WDR91: variants seen among roughly 807,000 people sequenced by gnomAD.
WDR91 encodes the protein WD repeat domain 91.
Under a neutral mutation model 88.4 loss-of-function variants are expected in WDR91, and 52 were observed. That is an observed-to-expected ratio of 0.59 (90% CI 0.47 to 0.74). WDR91 has a LOEUF of 0.74. WDR91 is among the 30% of genes least tolerant of loss of function. WDR91 has a pLI of 0.00. For missense variants in WDR91, 824 were observed against 954.5 expected (o/e 0.86, Z 1.80); for synonymous variants, 362 against 389.5 (o/e 0.93, Z 0.83).
chr7:135,189,276 A>T, intron 12 of WDR91, 68 bp downstream of exon 12: 1 of 1,475,850 alleles, frequency 6.8e-7, no homozygotes, highest in Non-Finnish European at 9.4e-7. Context: ...AAAAAATCCA[A>T]CGTCGGCAAA....
intron 13 of WDR91, among the ~76,000 whole-genome samples, chr7:135,187,441 C>T (rs1830990933): frequency 6.6e-6 from 1 of 152,214 alleles, no homozygotes; most frequent in Admixed American, 6.5e-5. Context: ...TAAAGTCCAA[C>T]CCTTCTCTTT....
chr7:135,197,916 A>G, intron 7 of WDR91, 77 bp downstream of exon 7: 1 of 1,524,060 alleles, frequency 6.6e-7, no homozygotes, highest in Non-Finnish European at 8.9e-7. Flanking sequence ...CTCAGAAGAG[A>G]GAGAAGAGAA....
At position 135,196,119 on chromosome 7, in the gene WDR91, T is replaced by TTC. The variant is rs1344948517; in HGVS notation, c.1244+23_1244+24dup. 4.8e-6 allele frequency: 7 copies of TTC among 1,472,180 alleles called. No homozygotes were observed. The highest frequency in any genetic ancestry group is 6.3e-6 in the Non-Finnish European group (7 of 1,106,260). 91.2% of individuals were successfully genotyped at this position (1,472,180 alleles called of 1,614,324 possible). On this transcript the variant is annotated intron_variant, in intron 8 of 14. Transcript: ENST00000354475. The surrounding 1 kb of genome is among the most constrained non-coding windows in gnomAD (Gnocchi z 4.2). ...CCTGAAAATCTGAGCTTCCCAGGGT[T>TTC]TCCTTGGCCCCAGGCCCAACCCACC...
Position 135,186,206 on chromosome 7 carries a change from G to A in WDR91, c.2189C>T (p.Thr730Ile). 6.2e-6 allele frequency: 10 copies of A among 1,608,048 alleles called. No individual in the cohort carries two copies. Among genetic ancestry groups the A allele is most frequent in the East Asian group, 2.3e-5 (1 of 44,154 alleles). Residue 730 changes from threonine to isoleucine, a missense_variant, in exon 15 of 15, where the codon ACC becomes ATC. By Grantham distance (89) the Thr-to-Ile change is moderately conservative. Coordinates refer to ENST00000354475, the MANE Select transcript of WDR91 (RefSeq NM_014149.4). ...CTTGATCTTGCCATCCATGGAGGCG[G>A]TGAGGCAGGTCCCACAGTCCATGGC... is the stretch of plus-strand genomic sequence containing the variant. ...STAMDCGTCL[T>I]ASMDGKIKLT...
chr7:135,186,374 T>A (rs1009880777), intron 14 of WDR91, 59 bp from the exon 15 acceptor site: 1 of 1,561,680 alleles, frequency 6.4e-7, no homozygotes, highest in African/African-American at 1.4e-5. Flanking sequence ...ACACACTTGA[T>A]CCACTTTCAG....
Position 135,183,841 on chromosome 7 carries a change from A to T in WDR91, c.*2310T>A, listed in dbSNP as rs1830844690. 6.6e-6 allele frequency: 1 copy of T among 152,184 alleles called. No individual in the cohort carries two copies. Among genetic ancestry groups the T allele is most frequent in the South Asian group, 2.1e-4 (1 of 4,832 alleles). 9.4% of individuals were successfully genotyped at this position (152,184 alleles called of 1,614,324 possible). On this transcript the variant is annotated 3_prime_UTR_variant, in exon 15 of 15. Coordinates refer to ENST00000354475, the MANE Select transcript of WDR91 (RefSeq NM_014149.4). The stretch of plus-strand genomic sequence containing the variant: ...GTCTATGGAAGGAGAGATAAGCGGA[A>T]GTTCCAACATGCTTTATTTGAGGAC...
In WDR91 at chr7:135,207,155, G is replaced by A; in HGVS notation, c.559C>T (p.Gln187Ter). 1 of 1,608,514 alleles carries A rather than the reference G, an allele frequency of 6.2e-7. No individual in the cohort carries two copies. The highest frequency in any genetic ancestry group is 8.5e-7 in the Non-Finnish European group (1 of 1,176,140). Residue 187 changes from glutamine to a stop codon, truncating the protein, a stop_gained, in exon 4 of 15, where the codon CAG (glutamine) becomes TAG (stop). Coordinates refer to ENST00000354475, the MANE Select transcript of WDR91 (RefSeq NM_014149.4). LOFTEE classifies it high-confidence loss of function. The stretch of plus-strand genomic sequence containing the variant: ...AGAACTTCATTTTCTTCTTGAACCT[G>A]GTTAGTCCTCTGACACTCCGCATCA... ...NFDAECQRTN[Q>*]VQEENEVLRQ... is the part of the protein sequence containing the mutation.
intron 6 of WDR91, chr7:135,198,974 A>C (rs1192902807): frequency 5.3e-4 from 81 of 152,184 alleles, no homozygotes; most frequent in Non-Finnish European, 1.5e-5. Flanking sequence ...TGTGATGGCC[A>C]AACACCCTCA....
intron 6 of WDR91, among the ~76,000 whole-genome samples, chr7:135,200,905 A>C (rs780478674): frequency 2.0e-5 from 3 of 152,178 alleles, no homozygotes; most frequent in Non-Finnish European, 4.4e-5. Context: ...AACAACTTCC[A>C]GTAATTTGGT....
Position 135,187,290 on chromosome 7 carries a change from C to CA in WDR91, c.1882-122dup. On this transcript the variant is annotated intron_variant, in intron 13 of 14. Coordinates refer to ENST00000354475, the MANE Select transcript of WDR91 (RefSeq NM_014149.4). ...GAGGGCGACCCGCCTCCCCCAGCCACAGTGCTGACATCCTTGAAAAGCCTT... is the reference window on the plus strand; with the variant it reads ...GAGGGCGACCCGCCTCCCCCAGCCACAAGTGCTGACATCCTTGAAAAGCCTT... 5 of 965,776 alleles carry CA rather than the reference C, an allele frequency of 5.2e-6. No homozygotes were observed. In the East Asian group the frequency reaches 1.3e-4, roughly 25 times the overall value. The allele number at this position is 965,776 out of a possible 1,614,324, so 59.8% of individuals were successfully genotyped here.
chr7:135,193,112 A>G, intron 11 of WDR91, 119 bp downstream of exon 11: 1 of 1,438,526 alleles, frequency 7.0e-7, no homozygotes, highest in South Asian at 1.4e-5. Flanking sequence ...TTCAACACTC[A>G]AAACTTTATT....
chr7:135,205,806 G>A, intron 5 of WDR91, 122 bp downstream of exon 5: 1 of 1,415,646 alleles, frequency 7.1e-7, no homozygotes, highest in Non-Finnish European at 9.7e-7. Flanking sequence ...TGTGCCAGGA[G>A]GCTCTTCCGC....
At chr7:135,187,225 T>C (rs1562943633) in intron 13 of WDR91, 56 bp from the exon 14 acceptor site, 1 of 1,588,492 alleles carries the variant, frequency 6.3e-7, no homozygotes, top group South Asian at 1.1e-5. Flanking sequence ...AATGCAGGCC[T>C]CAAGGAAGAG....
intron 11 of WDR91, among the ~76,000 whole-genome samples, chr7:135,191,809 T>A (rs1831176082): frequency 6.6e-6 from 1 of 152,230 alleles, no homozygotes; most frequent in Non-Finnish European, 1.5e-5. Context: ...GATTTCAATA[T>A]GCTTTTGTAT....
intron 6 of WDR91, chr7:135,200,381 T>TAAAGA (rs1214555640): frequency 6.6e-6 from 1 of 152,282 alleles, no homozygotes; most frequent in East Asian, 1.9e-4. Context: ...TGTGTATGGG[T>TAAAGA]AAAGAGCTGG....
At chr7:135,207,035 T>G (rs753828438) in intron 4 of WDR91, 85 bp downstream of exon 4, 2 of 1,132,326 alleles carry the variant, frequency 1.8e-6, no homozygotes, top group Admixed American at 2.0e-5. Context: ...GAAACCTGAT[T>G]AATATAGTGT....
At chr7:135,188,357 A>G (rs950446292) in intron 13 of WDR91, 76 bp downstream of exon 13, 8 of 1,233,424 alleles carry the variant, frequency 6.5e-6, no homozygotes, top group Non-Finnish European at 8.4e-6. Flanking sequence ...AGAGCTAGTA[A>G]CAGGTATGGC....
At chr7:135,205,409 C>G (rs540954987) in intron 5 of WDR91, among the ~76,000 whole-genome samples, 24 of 152,292 alleles carry the variant, frequency 1.6e-4, no homozygotes, top group African/African-American at 5.5e-4. Context: ...GCCACAGGCT[C>G]GGAGGCTCAG....
At chr7:135,208,279 C>T (rs1271810309) in intron 3 of WDR91, among the ~76,000 whole-genome samples, 3 of 152,164 alleles carry the variant, frequency 2.0e-5, no homozygotes, top group Admixed American at 1.3e-4. Flanking sequence ...CTCCAATACC[C>T]GCATATATAT....
Sources: allele counts gnomAD v4.1 joint callset (sites outside exome capture counted in the v4.1 genomes callset), GRCh38; gene constraint gnomAD v4.1.1; non-coding constraint Gnocchi (gnomAD v3.1); transcripts MANE v1.5; gene names NCBI Gene and HGNC (gene_info 2026-07-23, HGNC 2026-07-21).